The following RCOR3 variants were observed in gnomAD, a reference collection of about 807,000 sequenced individuals.
RCOR3 encodes the protein REST corepressor 3.
In RCOR3, 13 loss-of-function variants were observed where a neutral mutation model predicts 64.1. The observed-to-expected ratio is 0.20, with a 90% CI of 0.13 to 0.32. The LOEUF (loss-of-function observed/expected upper bound fraction) is 0.32, where lower values mean the gene tolerates loss of function less well. Among genes scored for constraint, RCOR3 ranks in the 10% least tolerant of loss-of-function variants. The pLI, the probability that RCOR3 is intolerant of heterozygous loss-of-function variation, is 1.00. For missense variants in RCOR3, 489 were observed against 701.2 expected (o/e 0.70, Z 3.42); for synonymous variants, 215 against 239.0 (o/e 0.90, Z 0.93).
At chr1:211,276,474 A>C (rs1696968385) in intron 5 of RCOR3, 56 bp downstream of exon 5, 1 of 1,376,794 alleles carries the variant, frequency 7.3e-7, no homozygotes, top group Admixed American at 2.2e-5. Context: ...TTAAGCTACT[A>C]TTAAACACTT....
chr1:211,309,947 A>G (rs1701318925), intron 10 of RCOR3, among the ~76,000 whole-genome samples: 1 of 152,200 alleles, frequency 6.6e-6, no homozygotes, highest in African/African-American at 2.4e-5. Flanking sequence ...TAAGAGTTCC[A>G]TCTTCTAACC....
intron 2 of RCOR3, among the ~76,000 whole-genome samples, chr1:211,261,843 G>T (rs1694327331): frequency 1.3e-5 from 2 of 148,424 alleles, no homozygotes; most frequent in Admixed American, 1.4e-4. Flanking sequence ...ATCATTGCTT[G>T]AACCCGGGAG....
At chr1:211,311,663 T>G (rs1242091938) in intron 10 of RCOR3, among the ~76,000 whole-genome samples, 1 of 152,118 alleles carries the variant, frequency 6.6e-6, no homozygotes, top group Non-Finnish European at 1.5e-5. Context: ...GCCCCCATAT[T>G]TTTGTCTCCT....
In RCOR3 at chr1:211,314,708, A is replaced by C. The variant is rs1034262128; in HGVS notation, c.*940A>C. 1 of 152,174 alleles carries C rather than the reference A, an allele frequency of 6.6e-6. No individual in the cohort carries two copies. Among genetic ancestry groups the C allele is most frequent in the African/African-American group, 2.4e-5 (1 of 41,448 alleles). 9.4% of individuals were successfully genotyped at this position (152,174 alleles called of 1,614,324 possible). A position where few individuals can be genotyped will look rare whatever the true frequency, so the allele number is the denominator to read the frequency against. ...AGTTAAGTAGACACAGTGGTTATGG[A>C]AGCATTTCTTTACAGTACCCTTTAC... is the stretch of plus-strand genomic sequence containing the variant. On this transcript the variant is annotated 3_prime_UTR_variant, in exon 12 of 12. Transcript: ENST00000419091.
chr1:211,311,262 G>A (rs916042147), intron 10 of RCOR3, among the ~76,000 whole-genome samples: 4 of 152,170 alleles, frequency 2.6e-5, no homozygotes, highest in South Asian at 2.1e-4. Flanking sequence ...CATTATAAAC[G>A]ATGTCTATCA....
At chr1:211,284,092 C>T (rs966379688) in intron 7 of RCOR3, among the ~76,000 whole-genome samples, 6 of 151,654 alleles carry the variant, frequency 4.0e-5, no homozygotes, top group Admixed American at 6.6e-5. Flanking sequence ...CTCGCTCTGT[C>T]GCCCAGGCTG....
chr1:211,279,681 T>C (rs145978376), intron 7 of RCOR3, among the ~76,000 whole-genome samples: 1,840 of 152,370 alleles, frequency 0.012, 14 homozygotes, highest in Middle Eastern at 0.071. Context: ...TTTTGTGTTT[T>C]ACTGATTTTC....
intron 3 of RCOR3, among the ~76,000 whole-genome samples, chr1:211,274,009 C>T (rs1172752320): frequency 6.6e-6 from 1 of 151,926 alleles, no homozygotes; most frequent in Non-Finnish European, 1.5e-5. Flanking sequence ...ATAAGTTATA[C>T]TAAATAAAAT....
At chr1:211,260,535 A>T (rs1694067000) in intron 2 of RCOR3, among the ~76,000 whole-genome samples, 1 of 152,150 alleles carries the variant, frequency 6.6e-6, no homozygotes, top group Admixed American at 6.5e-5. Flanking sequence ...TGCAAATGTC[A>T]ATTGCCACCT....
intron 7 of RCOR3, among the ~76,000 whole-genome samples, chr1:211,279,992 CCTT>C (rs1281054391): frequency 6.6e-6 from 1 of 152,136 alleles, no homozygotes; most frequent in Non-Finnish European, 1.5e-5. Flanking sequence ...TCACTGTAGT[CCTT>C]AAGTGCCTCA....
At chr1:211,282,540 C>T (rs774586924) in intron 7 of RCOR3, among the ~76,000 whole-genome samples, 35 of 147,092 alleles carry the variant, frequency 2.4e-4, no homozygotes, top group Non-Finnish European at 3.1e-4. Flanking sequence ...CTCACTCTGT[C>T]GCCCAGGCTG....
Position 211,289,160 on chromosome 1 carries a change from C to G in RCOR3, c.721-18C>G. The G allele has an allele frequency of 6.3e-7, 1 of 1,590,682 alleles. No homozygotes were observed. On this transcript the variant is annotated intron_variant, in intron 7 of 11. Transcript: ENST00000419091. ...TGTGAAAACCAAGTGACCTGTTATT[C>G]TGCTTTTATTCTCTTAGGGTAATAC...
intron 6 of RCOR3, 56 bp downstream of exon 6, chr1:211,278,297 T>G (rs904628846): frequency 1.0e-5 from 16 of 1,566,106 alleles, no homozygotes; most frequent in Non-Finnish European, 1.1e-5. Context: ...TTGTATTGCT[T>G]ACATTTCCTA....
At chr1:211,307,828 A>G (rs868705275) in intron 10 of RCOR3, among the ~76,000 whole-genome samples, 4 of 151,562 alleles carry the variant, frequency 2.6e-5, no homozygotes, top group East Asian at 1.9e-4. Context: ...TATTTTTTAT[A>G]TAATTATTTT....
At chr1:211,277,637 G>T (rs1229254261) in intron 5 of RCOR3, among the ~76,000 whole-genome samples, 5 of 152,182 alleles carry the variant, frequency 3.3e-5, no homozygotes, top group African/African-American at 9.7e-5. Flanking sequence ...ACAGAAAGTA[G>T]ATTAGTGGTT....
intron 5 of RCOR3, 142 bp from the exon 6 acceptor site, chr1:211,277,975 A>G: frequency 1.5e-6 from 1 of 663,666 alleles, no homozygotes; most frequent in Non-Finnish European, 2.5e-6. Context: ...TGACTGTAGT[A>G]GTACTTTTTA....
intron 7 of RCOR3, among the ~76,000 whole-genome samples, chr1:211,280,591 C>G (rs17188909): frequency 0.037 from 5,607 of 152,272 alleles, 160 homozygotes; most frequent in Non-Finnish European, 0.055. Flanking sequence ...TCCTATCCAT[C>G]CCTTCGTATC....
rs1693774443 is a variant in RCOR3, at chr1:211,259,456, T to TCGTCTC, written c.-104_-103insGTCTCC. ...TCCTCCTCCTCCGCCGCCGCCGCCG[T>TCGTCTC]CTCCTCCTCCTCCTCCTTTCCCTCC... On this transcript the variant is annotated 5_prime_UTR_variant, in exon 1 of 12. Transcript: ENST00000419091. The TCGTCTC allele has an allele frequency of 5.3e-6, 6 of 1,122,358 alleles. No homozygotes were observed. The highest frequency in any genetic ancestry group is 7.4e-6 in the Non-Finnish European group (6 of 811,172). 69.5% of individuals were successfully genotyped at this position (1,122,358 alleles called of 1,614,324 possible).
intron 2 of RCOR3, among the ~76,000 whole-genome samples, chr1:211,261,682 G>A (rs1054495183): frequency 6.6e-6 from 1 of 152,076 alleles, no homozygotes; most frequent in African/African-American, 2.4e-5. Flanking sequence ...AGCACTTTGG[G>A]AGGCTGAGGC....
Sources: gnomAD v4.1 joint callset for allele counts (sites outside exome capture counted in the v4.1 genomes callset) on GRCh38, gnomAD v4.1.1 for gene constraint, MANE v1.5 for transcripts, NCBI Gene and HGNC (gene_info 2026-07-23, HGNC 2026-07-21) for gene names.